The following OPCML variants were observed in gnomAD, a reference collection of about 807,000 sequenced individuals.
OPCML encodes opioid binding protein/cell adhesion molecule like.
In OPCML, 13 loss-of-function variants were observed where a neutral mutation model predicts 37.8. The observed-to-expected ratio is 0.34, with a 90% confidence interval of 0.22 to 0.55. OPCML has a LOEUF of 0.55. Ranked by LOEUF, OPCML falls within the 20% of genes least tolerant of loss-of-function variation. OPCML has a pLI of 0.91. For missense variants in OPCML, 341 were observed against 435.6 expected (o/e 0.78, Z 1.93); for synonymous variants, 176 against 168.8 (o/e 1.04, Z -0.33).
At chr11:133,390,415 AT>A (rs1450552701) in intron 1 of OPCML, among the ~76,000 whole-genome samples, 1 of 152,202 alleles carries the variant, frequency 6.6e-6, no homozygotes, top group African/African-American at 2.4e-5. Context: ...GCGAGCCGAG[AT>A]CGCGCCACTG....
At chr11:133,371,211 G>A (rs925011377) in intron 1 of OPCML, among the ~76,000 whole-genome samples, 1 of 152,164 alleles carries the variant, frequency 6.6e-6, no homozygotes, top group African/African-American at 2.4e-5. Context: ...ACTGTGGTGG[G>A]AATGCAAATT....
At chr11:132,483,489 G>T (rs1256564787) in intron 4 of OPCML, among the ~76,000 whole-genome samples, 4 of 152,052 alleles carry the variant, frequency 2.6e-5, no homozygotes, top group Non-Finnish European at 5.9e-5. Context: ...TGGCCATACT[G>T]CCCAAGGTAA....
chr11:132,502,937 T>C (rs910160345), intron 4 of OPCML, among the ~76,000 whole-genome samples: 4 of 152,184 alleles, frequency 2.6e-5, no homozygotes, highest in African/African-American at 9.7e-5. Flanking sequence ...GCATCCCTTA[T>C]AGCTGATCCT....
chr11:133,147,893 CA>C (rs1278287173), intron 1 of OPCML, among the ~76,000 whole-genome samples: 1 of 152,154 alleles, frequency 6.6e-6, no homozygotes, highest in Non-Finnish European at 1.5e-5. Flanking sequence ...GCATTTAACT[CA>C]AAATTGCCCC....
In OPCML at chr11:132,943,363, C is replaced by T; in HGVS notation, c.62-353G>A. 1 of 512,152 alleles carries T rather than the reference C, an allele frequency of 2.0e-6. No homozygotes were observed. The highest frequency in any genetic ancestry group is 3.5e-6 in the Non-Finnish European group (1 of 286,836). The allele number at this position is 512,152 out of a possible 1,614,324, so 31.7% of individuals were successfully genotyped here. The stretch of plus-strand genomic sequence containing the variant: ...GACGCTCCCCTGGGGAGGAGGGAGG[C>T]GGCCAGGAGGGGAGAGGAAGAAGCA... On this transcript the variant is annotated intron_variant, in intron 1 of 7. Coordinates refer to ENST00000524381, the MANE Select transcript of OPCML (RefSeq NM_001012393.5). This position sits in a 1 kb window ranked among gnomAD's most constrained non-coding sequence, Gnocchi z 4.3.
chr11:132,655,666 T>C (rs944826886), intron 3 of OPCML, among the ~76,000 whole-genome samples: 4 of 152,114 alleles, frequency 2.6e-5, no homozygotes, highest in African/African-American at 9.7e-5. Flanking sequence ...CAAGGACTGC[T>C]GGGGAACAGC....
intron 2 of OPCML, chr11:132,771,920 C>G (rs1946650636): frequency 6.6e-6 from 1 of 152,320 alleles, no homozygotes; most frequent in South Asian, 2.1e-4. Context: ...GTAAATGAAG[C>G]ATAACTGGGC....
At chr11:133,046,413 G>A (rs1005453238) in intron 1 of OPCML, among the ~76,000 whole-genome samples, 15 of 152,056 alleles carry the variant, frequency 9.9e-5, no homozygotes, top group African/African-American at 3.4e-4. Flanking sequence ...CTTTCTGCCC[G>A]ACACACAGAC....
chr11:133,505,208 T>C (rs749406386), intron 1 of OPCML, among the ~76,000 whole-genome samples: 3 of 152,218 alleles, frequency 2.0e-5, no homozygotes, highest in South Asian at 2.1e-4. Flanking sequence ...TCAGTGCTTA[T>C]TGGGAAGGGA....
At chr11:133,007,694 T>G (rs1947138320) in intron 1 of OPCML, 2 of 985,316 alleles carry the variant, frequency 2.0e-6, no homozygotes, top group African/African-American at 3.5e-5. Context: ...ATGAAGAAAT[T>G]AAGCCAGAAA....
chr11:132,987,041 C>T (rs542007806), intron 1 of OPCML, among the ~76,000 whole-genome samples: 86 of 152,220 alleles, frequency 5.6e-4, no homozygotes, highest in African/African-American at 2.0e-3. Flanking sequence ...ACTCTTCCTA[C>T]CCTAAGTAAC....
chr11:133,046,570 G>A (rs988330321), intron 1 of OPCML, among the ~76,000 whole-genome samples: 1 of 152,138 alleles, frequency 6.6e-6, no homozygotes, highest in Non-Finnish European at 1.5e-5. Flanking sequence ...AGGAAGCTGG[G>A]AGAACACAAC....
intron 1 of OPCML, among the ~76,000 whole-genome samples, chr11:133,431,066 T>A (rs907158531): frequency 3.3e-5 from 5 of 152,220 alleles, no homozygotes; most frequent in East Asian, 3.8e-4. Context: ...GTACCACATC[T>A]GATGCTTAAA....
Position 133,142,684 on chromosome 11 carries a change from A to G in OPCML, c.62-199674T>C, listed in dbSNP as rs544307481. Among the ~76,000 whole-genome samples, 58 of 152,182 alleles carry G rather than the reference A, an allele frequency of 3.8e-4. 1 individual carries two copies. The highest frequency in any genetic ancestry group is 7.1e-4 in the Non-Finnish European group (48 of 67,982). On this transcript the variant is annotated intron_variant, in intron 1 of 7. Transcript: ENST00000524381. ...AAAAGTGCATGAGCTGCCTATTTCC[A>G]CTGACACACTGAATGGTTGATAAAT...
At chr11:132,860,287 A>G (rs182838357) in intron 2 of OPCML, among the ~76,000 whole-genome samples, 1 of 152,352 alleles carries the variant, frequency 6.6e-6, no homozygotes, top group African/African-American at 2.4e-5. Context: ...CCTGAACCTG[A>G]TGCAGAACAA....
intron 1 of OPCML, among the ~76,000 whole-genome samples, chr11:132,961,111 A>T (rs1946084112): frequency 6.6e-6 from 1 of 152,184 alleles, no homozygotes; most frequent in South Asian, 2.1e-4. Flanking sequence ...CCTCATCGTA[A>T]TTAACGGAAA....
At chr11:133,500,640 G>A (rs1947890693) in intron 1 of OPCML, among the ~76,000 whole-genome samples, 1 of 152,190 alleles carries the variant, frequency 6.6e-6, no homozygotes, top group Non-Finnish European at 1.5e-5. Context: ...CAGCTCCCAT[G>A]GCAGCTCCTG....
intron 1 of OPCML, among the ~76,000 whole-genome samples, chr11:133,417,060 C>T (rs1055605086): frequency 6.6e-6 from 1 of 152,206 alleles, no homozygotes; most frequent in Non-Finnish European, 1.5e-5. Context: ...CCAGAGAGAG[C>T]AGGGAGGCTG....
intron 1 of OPCML, among the ~76,000 whole-genome samples, chr11:132,968,660 T>A (rs1410342214): frequency 6.6e-6 from 1 of 152,200 alleles, no homozygotes; most frequent in African/African-American, 2.4e-5. Context: ...CATTTCAGCA[T>A]GAGTTTGGGA....
Sources: gnomAD v4.1 joint callset for allele counts (sites outside exome capture counted in the v4.1 genomes callset) on GRCh38, gnomAD v4.1.1 for gene constraint, Gnocchi (gnomAD v3.1) non-coding constraint, MANE v1.5 for transcripts, NCBI Gene and HGNC (gene_info 2026-07-23, HGNC 2026-07-21) for gene names.